OSBPL5: variants seen among roughly 807,000 people sequenced by gnomAD.
OSBPL5 encodes the protein oxysterol binding protein like 5.
In OSBPL5, 71 loss-of-function variants were observed where a neutral mutation model predicts 111.2. The ratio of observed to expected loss-of-function variants is 0.64; its 90% CI spans 0.53 to 0.78. The LOEUF is 0.78. Among genes scored for constraint, OSBPL5 ranks in the 30% least tolerant of loss-of-function variants. The pLI is 0.00. For missense variants in OSBPL5, 1,210 were observed against 1,189.3 expected (o/e 1.02, Z -0.26); for synonymous variants, 549 against 513.9 (o/e 1.07, Z -0.93).
intron 1 of OSBPL5, among the ~76,000 whole-genome samples, chr11:3,136,459 A>G (rs113153611): frequency 0.035 from 5,368 of 152,362 alleles, 113 homozygotes; most frequent in African/African-American, 0.052. Context: ...AGCTCTGAGA[A>G]GGAATCCAGC....
chr11:3,159,131 G>A (rs1846877560), intron 1 of OSBPL5, among the ~76,000 whole-genome samples: 1 of 152,132 alleles, frequency 6.6e-6, no homozygotes, highest in Non-Finnish European at 1.5e-5. Flanking sequence ...GCAGGTTGAG[G>A]GCACAGGCGA....
chr11:3,160,672 T>TCCC (rs71035491), intron 1 of OSBPL5, among the ~76,000 whole-genome samples: 1 of 122,538 alleles, frequency 8.2e-6, no homozygotes, highest in Admixed American at 8.4e-5. Context: ...ATGACAACCC[T>TCCC]CCCCCCCCCC....
chr11:3,120,444 C>T lies in OSBPL5; in HGVS notation c.583G>A (p.Asp195Asn). The change falls in exon 6 of 22, where the codon GAT (aspartate) becomes AAT (asparagine). Residue 195 changes from aspartate (D) to asparagine (N), a missense_variant. Coordinates refer to ENST00000263650, the MANE Select transcript of OSBPL5 (RefSeq NM_020896.4). The part of the protein sequence containing the change: ...GFCFKLFHPL[D>N]QSVWAVKGPK... Reference sequence around the variant, plus strand: ...ACCTTCACGGCCCAGACGGACTGATCCAGCGGGTGGAAGAGCTTGAAGCAG... The same window carrying T: ...ACCTTCACGGCCCAGACGGACTGATTCAGCGGGTGGAAGAGCTTGAAGCAG... 4 of 1,613,240 alleles carry T rather than the reference C, an allele frequency of 2.5e-6. No individual in the cohort carries two copies. Among genetic ancestry groups the T allele is most frequent in the African/African-American group, 1.3e-5 (1 of 75,070 alleles).
At chr11:3,145,396 G>A (rs927039519) in intron 1 of OSBPL5, among the ~76,000 whole-genome samples, 3 of 152,122 alleles carry the variant, frequency 2.0e-5, no homozygotes, top group Admixed American at 6.5e-5. Flanking sequence ...GCCACTTCAC[G>A]AGCCCCATTC....
At position 3,093,066 on chromosome 11, in the gene OSBPL5, A is replaced by T. The variant is rs1336296970; in HGVS notation, c.1947-14T>A. On this transcript the variant is annotated splice_polypyrimidine_tract_variant and intron_variant, in intron 17 of 21. Transcript: ENST00000263650. Reference sequence around the variant, plus strand: ...TGCTGCCAGAGCCTGCGGGCCAGTGACCCATCCTGAGCCAGTGGCCCGGGC... The same window carrying T: ...TGCTGCCAGAGCCTGCGGGCCAGTGTCCCATCCTGAGCCAGTGGCCCGGGC... The T allele has an allele frequency of 1.3e-6, 2 of 1,549,392 alleles. No homozygotes were observed. The highest frequency in any genetic ancestry group is 1.7e-6 in the Non-Finnish European group (2 of 1,148,506).
chr11:3,111,329 G>C (rs998047519), intron 7 of OSBPL5, among the ~76,000 whole-genome samples: 2 of 152,076 alleles, frequency 1.3e-5, no homozygotes, highest in African/African-American at 4.8e-5. Flanking sequence ...GTTCGAGCTT[G>C]CTTCCAACAG....
chr11:3,134,255 C>T (rs1249418574), intron 1 of OSBPL5, among the ~76,000 whole-genome samples: 1 of 152,214 alleles, frequency 6.6e-6, no homozygotes, highest in African/African-American at 2.4e-5. Flanking sequence ...GAAGGGCCTC[C>T]TGCTCTCCTC....
chr11:3,157,512 T>C (rs930474781), intron 1 of OSBPL5, among the ~76,000 whole-genome samples: 2 of 152,208 alleles, frequency 1.3e-5, no homozygotes, highest in Non-Finnish European at 2.9e-5. Flanking sequence ...GGGAAGGGCC[T>C]GTGCCAAGAC....
At chr11:3,135,216 GGCAGGGCCGT>G (rs1202263844) in intron 1 of OSBPL5, among the ~76,000 whole-genome samples, 1 of 152,230 alleles carries the variant, frequency 6.6e-6, no homozygotes, top group African/African-American at 2.4e-5. Flanking sequence ...TGCTGGGCTG[GGCAGGGCCGT>G]GCTTCCGCCA....
In OSBPL5 at chr11:3,129,160, T is replaced by C; in HGVS notation, c.-12A>G. ...GCCTCCTCCTTCATGCTGTGGGCGCTCGGGGGCTTCTGGAAGGAAGGAAGG... is the reference window on the plus strand; with the variant it reads ...GCCTCCTCCTTCATGCTGTGGGCGCCCGGGGGCTTCTGGAAGGAAGGAAGG... On this transcript the variant is annotated 5_prime_UTR_variant, in exon 2 of 22. Coordinates refer to ENST00000263650, the MANE Select transcript of OSBPL5 (RefSeq NM_020896.4). 1.4e-6 allele frequency: 2 copies of C among 1,407,738 alleles called. No homozygotes were observed. Among genetic ancestry groups the C allele is most frequent in the South Asian group, 1.6e-5 (1 of 64,412 alleles). 87.2% of individuals were successfully genotyped at this position (1,407,738 alleles called of 1,614,324 possible). A position where few individuals can be genotyped will look rare whatever the true frequency, so the allele number is the denominator to read the frequency against.
chr11:3,129,424 T>G (rs1191673303), intron 1 of OSBPL5: 1 of 283,286 alleles, frequency 3.5e-6, no homozygotes, highest in African/African-American at 2.2e-5. Flanking sequence ...TCAGAGAGGC[T>G]CATCACCACC....
chr11:3,133,982 T>TGG (rs371982247), intron 1 of OSBPL5, among the ~76,000 whole-genome samples: 177 of 129,328 alleles, frequency 1.4e-3, no homozygotes, highest in African/African-American at 2.3e-3. Flanking sequence ...CGGGGCTTGG[T>TGG]GGGGGGGGGG....
intron 1 of OSBPL5, among the ~76,000 whole-genome samples, chr11:3,156,566 T>C (rs1846764747): frequency 6.6e-6 from 1 of 152,180 alleles, no homozygotes; most frequent in East Asian, 1.9e-4. Context: ...TCTGGGGCCC[T>C]CCCTACACGC....
At chr11:3,156,730 G>A (rs1170615075) in intron 1 of OSBPL5, among the ~76,000 whole-genome samples, 1 of 152,204 alleles carries the variant, frequency 6.6e-6, no homozygotes, top group Non-Finnish European at 1.5e-5. Context: ...AACGATATAG[G>A]CGTGATAGGA....
Position 3,121,061 on chromosome 11 carries a change from C to CTTT in OSBPL5, c.403-440_403-438dup, listed in dbSNP as rs34351257. 0.045 allele frequency among the ~76,000 whole-genome samples: 5,894 copies of CTTT among 130,302 alleles called. 210 individuals carry two copies. Among genetic ancestry groups the CTTT allele is most frequent in the Middle Eastern group, 0.066 (17 of 256 alleles). 85.5% of individuals were successfully genotyped at this position (130,302 alleles called of 152,430 possible). On this transcript the variant is annotated intron_variant, in intron 5 of 21. Transcript: ENST00000263650. This position sits in a 1 kb window ranked among gnomAD's most constrained non-coding sequence, Gnocchi z 4.3. ...CTTGTAACTGGCAGCTTTGTAGATT[C>CTTT]TTTTTTTTTTTTTTTTTGAGACAGA... is the stretch of plus-strand genomic sequence containing the variant.
In OSBPL5 at chr11:3,162,660, G is replaced by A. The variant is rs911851646; in HGVS notation, c.-22+2556C>T. On this transcript the variant is annotated intron_variant, in intron 1 of 21. Transcript: ENST00000263650. This position sits in a 1 kb window ranked among gnomAD's most constrained non-coding sequence, Gnocchi z 8.1. ...TCTCCACGGGAAAGGTTACCCAGCCGTGGCCAAGACCCAGCCACCAAGGCC... is the reference window on the plus strand; with the variant it reads ...TCTCCACGGGAAAGGTTACCCAGCCATGGCCAAGACCCAGCCACCAAGGCC... Among the ~76,000 whole-genome samples the A allele has an allele frequency of 2.0e-5, 3 of 151,958 alleles. No homozygotes were observed. Among genetic ancestry groups the A allele is most frequent in the Non-Finnish European group, 4.4e-5 (3 of 68,014 alleles).
Position 3,107,716 on chromosome 11 carries a change from C to T in OSBPL5, c.866+55G>A, listed in dbSNP as rs1287065779. 4.4e-6 allele frequency: 7 copies of T among 1,592,828 alleles called. No individual in the cohort carries two copies. The highest frequency in any genetic ancestry group is 6.0e-6 in the Non-Finnish European group (7 of 1,171,610). ...GGGCTGTCCTCTCCCCTCTTCCTCG[C>T]CTACAAGGAGACCCCGTGAATCACC... On this transcript the variant is annotated intron_variant, in intron 8 of 21. Coordinates refer to ENST00000263650, the MANE Select transcript of OSBPL5 (RefSeq NM_020896.4). This position sits in a 1 kb window ranked among gnomAD's most constrained non-coding sequence, Gnocchi z 6.1.
rs985476518 is a variant in OSBPL5, at chr11:3,110,185, C to T, written c.692-2240G>A. ...AGGCACCGGAGCCCCGTGGTCAAGGCCAGACTGCTTTAGGTCTGCACCACC... is the reference window on the plus strand; with the variant it reads ...AGGCACCGGAGCCCCGTGGTCAAGGTCAGACTGCTTTAGGTCTGCACCACC... On this transcript the variant is annotated intron_variant, in intron 7 of 21. Coordinates refer to ENST00000263650, the MANE Select transcript of OSBPL5 (RefSeq NM_020896.4). This position sits in a 1 kb window ranked among gnomAD's most constrained non-coding sequence, Gnocchi z 5.3. 2.6e-5 allele frequency among the ~76,000 whole-genome samples: 4 copies of T among 152,168 alleles called. No individual in the cohort carries two copies. Among genetic ancestry groups the T allele is most frequent in the South Asian group, 2.1e-4 (1 of 4,830 alleles).
chr11:3,093,254 C>T (rs1170197131), intron 17 of OSBPL5: 2 of 744,450 alleles, frequency 2.7e-6, no homozygotes, highest in Non-Finnish European at 2.1e-6. Flanking sequence ...GCTCCCATCT[C>T]CCGCCTGCAG....
Sources: gnomAD v4.1 joint callset for allele counts (sites outside exome capture counted in the v4.1 genomes callset) on GRCh38, gnomAD v4.1.1 for gene constraint, Gnocchi (gnomAD v3.1) non-coding constraint, MANE v1.5 for transcripts, NCBI Gene and HGNC (gene_info 2026-07-23, HGNC 2026-07-21) for gene names.